Variants in MID1 observed in about 807,000 individuals in gnomAD.
The protein encoded by MID1 is midline 1.
A neutral mutation model predicts 40.4 loss-of-function variants in MID1; 7 were observed. The ratio of observed to expected loss-of-function variants is 0.17; its 90% confidence interval spans 0.10 to 0.33. The LOEUF (loss-of-function observed/expected upper bound fraction) is 0.33, where lower values mean the gene tolerates loss of function less well. Ranked by LOEUF, MID1 falls within the 10% of genes least tolerant of loss-of-function variation. MID1 has a pLI of 1.00. For missense variants in MID1, 367 were observed against 558.5 expected, an observed-to-expected ratio of 0.66 and a Z score of 3.46; for synonymous variants, 229 against 221.2, an observed-to-expected ratio of 1.04 and a Z score of -0.31.
At chrX:10,697,796 C>T (rs1466261838) in intron 1 of MID1, among the ~76,000 whole-genome samples, 2 of 111,539 alleles carry the variant, frequency 1.8e-5, no homozygotes, top group South Asian at 3.8e-4. Context: ...GCACCACAGA[C>T]ATTTTGGACT....
intron 1 of MID1, among the ~76,000 whole-genome samples, chrX:10,588,543 T>C (rs1359992050): frequency 9.0e-6 from 1 of 110,841 alleles, no homozygotes; most frequent in African/African-American, 3.3e-5. Flanking sequence ...TTTAAAGGAA[T>C]AGGGTATACT....
rs73480904 is a variant in MID1, at chrX:10,695,958, G to C, written c.-186-75539C>G. ...AGTCAGACAGAAGCAGGGCAGGAGAGCCCCCCGCCACACACACACAATGAG... is the reference window on the plus strand; with the variant it reads ...AGTCAGACAGAAGCAGGGCAGGAGACCCCCCCGCCACACACACACAATGAG... On this transcript the variant is annotated intron_variant, in intron 1 of 10. Coordinates refer to the MID1 transcript ENST00000380785. 5.0e-3 allele frequency among the ~76,000 whole-genome samples: 562 copies of C among 111,608 alleles called. 4 individuals are homozygous for C. The highest frequency in any genetic ancestry group is 0.017 in the African/African-American group (536 of 30,770).
chrX:10,516,603 TGTGTGTGC>T lies in MID1; in HGVS notation c.756+6481_756+6488del, dbSNP rs1389514676. ...GTGTGTGTGTGTGTGTGTGTGTGTG[TGTGTGTGC>T]GCGCGCGCACGCGTGTGTTTTAAGA... On this transcript the variant is annotated intron_variant, in intron 3 of 9. Coordinates refer to ENST00000317552, the MANE Select transcript of MID1 (RefSeq NM_000381.4). 4.3e-3 allele frequency among the ~76,000 whole-genome samples: 307 copies of T among 71,961 alleles called. 2 individuals are homozygous for T. The highest frequency in any genetic ancestry group is 0.017 in the African/African-American group (277 of 16,117). 62.5% of individuals were successfully genotyped at this position (71,961 alleles called of 115,157 possible).
intron 1 of MID1, among the ~76,000 whole-genome samples, chrX:10,829,800 A>G (rs1433526939): frequency 8.9e-6 from 1 of 111,817 alleles, no homozygotes; most frequent in Admixed American, 9.5e-5. Flanking sequence ...ATAGTCCCCA[A>G]TTCTAAGCCT....
At chrX:10,698,732 A>G (rs2043176681) in intron 1 of MID1, among the ~76,000 whole-genome samples, 1 of 72,913 alleles carries the variant, frequency 1.4e-5, no homozygotes, top group Non-Finnish European at 2.4e-5. Flanking sequence ...GAAGAAAAAG[A>G]AAAAAAAAAA....
chrX:10,714,372 G>C (rs949174980), intron 1 of MID1, among the ~76,000 whole-genome samples: 2 of 111,806 alleles, frequency 1.8e-5, no homozygotes, highest in African/African-American at 6.5e-5. Flanking sequence ...GAGTGGGAGA[G>C]AGTATTGAGG....
chrX:10,494,440 T>C (rs1931120393), intron 4 of MID1, among the ~76,000 whole-genome samples: 1 of 111,336 alleles, frequency 9.0e-6, no homozygotes, highest in Middle Eastern at 4.6e-3. Flanking sequence ...TATTGGATCA[T>C]AAATAAACGC....
At chrX:10,556,095 C>CAA (rs34757461) in intron 2 of MID1, among the ~76,000 whole-genome samples, 9 of 94,299 alleles carry the variant, frequency 9.5e-5, no homozygotes, top group Admixed American at 3.5e-4. Context: ...GGCAACCCTA[C>CAA]AAAAAAAAAA....
rs748385663 is a variant in MID1, at chrX:10,533,391, A to AAAAGAAAGAAAGAAAGAAAG, written c.661-10224_661-10205dup. On this transcript the variant is annotated intron_variant, in intron 2 of 9. Coordinates refer to ENST00000317552, the MANE Select transcript of MID1 (RefSeq NM_000381.4). Reference sequence around the variant, plus strand: ...AAGAAAGAAAGAAAAAGAAAGAAAGAAAAGAAAGAAAGAAAGAAAGAAAGA... The same window carrying AAAAGAAAGAAAGAAAGAAAG: ...AAGAAAGAAAGAAAAAGAAAGAAAGAAAAGAAAGAAAGAAAGAAAGAAAGAAAGAAAGAAAGAAAGAAAGA... Among the ~76,000 whole-genome samples, 131 of 55,063 alleles carry AAAAGAAAGAAAGAAAGAAAG rather than the reference A, an allele frequency of 2.4e-3. 2 individuals are homozygous for AAAAGAAAGAAAGAAAGAAAG. The highest frequency in any genetic ancestry group is 9.9e-3 in the African/African-American group (127 of 12,812). 47.8% of individuals were successfully genotyped at this position (55,063 alleles called of 115,157 possible). A position where few individuals can be genotyped will look rare whatever the true frequency, so the allele number is the denominator to read the frequency against.
At position 10,553,246 on chromosome X, in the gene MID1, TA is replaced by T. The variant is rs373497163; in HGVS notation, c.660+13641del. Among the ~76,000 whole-genome samples, 639 of 89,192 alleles carry T rather than the reference TA, an allele frequency of 7.2e-3. 7 individuals are homozygous for T. Among genetic ancestry groups the T allele is most frequent in the African/African-American group, 0.025 (532 of 21,609 alleles). 77.5% of individuals were successfully genotyped at this position (89,192 alleles called of 115,157 possible). On this transcript the variant is annotated intron_variant, in intron 2 of 9. Transcript: ENST00000317552. ...CTGGGCTATGCAGCGAGACTCTATC[TA>T]AAAAAAAAAAAAGAAATAAAAAAAA...
At chrX:10,576,262 T>G (rs1447096713) in intron 1 of MID1, among the ~76,000 whole-genome samples, 1 of 111,630 alleles carries the variant, frequency 9.0e-6, no homozygotes, top group Non-Finnish European at 1.9e-5. Context: ...CTTTCACATC[T>G]GCCTATAACA....
At chrX:10,471,095 T>G (rs1211888169) in intron 6 of MID1, among the ~76,000 whole-genome samples, 1 of 111,860 alleles carries the variant, frequency 8.9e-6, no homozygotes, top group Non-Finnish European at 1.9e-5. Flanking sequence ...TTTGCTGACC[T>G]CTGGTTTAGA....
At chrX:10,587,134 T>A (rs1355395549) in intron 1 of MID1, among the ~76,000 whole-genome samples, 1 of 112,500 alleles carries the variant, frequency 8.9e-6, no homozygotes, top group Non-Finnish European at 1.9e-5. Flanking sequence ...ACAAGGGGCT[T>A]CTCTCGCTTT....
chrX:10,673,753 T>C (rs2043004460), intron 1 of MID1, among the ~76,000 whole-genome samples: 1 of 111,280 alleles, frequency 9.0e-6, no homozygotes, highest in Non-Finnish European at 1.9e-5. Flanking sequence ...AGATTTGGGT[T>C]TGCTACCTTA....
intron 1 of MID1, among the ~76,000 whole-genome samples, chrX:10,588,997 AG>A (rs1172187174): frequency 1.8e-5 from 2 of 111,589 alleles, no homozygotes; most frequent in Non-Finnish European, 3.8e-5. Flanking sequence ...AGTTCCTAGT[AG>A]GGTGGGCTTA....
chrX:10,551,532 C>CT lies in MID1; in HGVS notation c.660+15355dup, dbSNP rs1388943696. Reference sequence around the variant, plus strand: ...GAATGGCTGGTGGGCTAGGATTTTCCTTTTTTTTTAATCTGATGGGCAACT... The same window carrying CT: ...GAATGGCTGGTGGGCTAGGATTTTCCTTTTTTTTTTAATCTGATGGGCAACT... On this transcript the variant is annotated intron_variant, in intron 2 of 9. Transcript: ENST00000317552. 1.0e-3 allele frequency among the ~76,000 whole-genome samples: 113 copies of CT among 109,916 alleles called. 1 individual carries two copies. Among genetic ancestry groups the CT allele is most frequent in the Admixed American group, 2.8e-3 (29 of 10,283 alleles).
At chrX:10,461,808 C>A (rs1462390507) in intron 7 of MID1, among the ~76,000 whole-genome samples, 1 of 112,376 alleles carries the variant, frequency 8.9e-6, no homozygotes, top group Non-Finnish European at 1.9e-5. Flanking sequence ...ATCAATTTCA[C>A]TGCCTTTATA....
chrX:10,506,282 A>G, intron 3 of MID1: 4 of 1,014,897 alleles, frequency 3.9e-6, no homozygotes, highest in Non-Finnish European at 5.0e-6. Context: ...TTCATTTTAG[A>G]CATGGTTGGC....
intron 1 of MID1, among the ~76,000 whole-genome samples, chrX:10,590,809 T>C (rs1935278793): frequency 8.9e-6 from 1 of 112,257 alleles, no homozygotes; most frequent in Non-Finnish European, 1.9e-5. Flanking sequence ...TTGGAGTTAA[T>C]ATCAAAAGGT....
Sources: gnomAD v4.1 joint callset for allele counts (sites outside exome capture counted in the v4.1 genomes callset) on GRCh38, gnomAD v4.1.1 for gene constraint, MANE v1.5 for transcripts, NCBI Gene and HGNC (gene_info 2026-07-23, HGNC 2026-07-21) for gene names.